The following RBM26 variants were observed in gnomAD, a reference collection of about 807,000 sequenced individuals.
RBM26 encodes RNA-binding protein 26.
In RBM26, 30 loss-of-function variants were observed where a neutral mutation model predicts 123.6. The observed-to-expected ratio is 0.24, with a 90% CI of 0.18 to 0.33. The LOEUF (loss-of-function observed/expected upper bound fraction) is 0.33, where lower values mean the gene tolerates loss of function less well. Ranked by LOEUF, RBM26 falls within the 10% of genes least tolerant of loss-of-function variation. The pLI is 1.00. For synonymous variants in RBM26, 400 were observed against 404.4 expected (o/e 0.99, Z 0.13); for missense variants, 947 against 1,203.6 (o/e 0.79, Z 3.15).
At chr13:79,337,351 C>T (rs770701112) in intron 18 of RBM26, 49 bp from the exon 19 acceptor site, 30 of 1,598,396 alleles carry the variant, frequency 1.9e-5, no homozygotes, top group Non-Finnish European at 2.4e-5. Context: ...ATTACTAACA[C>T]AAGCCAAGCA....
At chr13:79,391,426 TTG>T (rs1023343824) in intron 1 of RBM26, among the ~76,000 whole-genome samples, 4 of 152,282 alleles carry the variant, frequency 2.6e-5, no homozygotes, top group East Asian at 1.9e-4. Context: ...GCATTTCTTT[TTG>T]TGTGTGTGTT....
At chr13:79,320,994 T>C (rs895216224) in intron 21 of RBM26, among the ~76,000 whole-genome samples, 6 of 151,318 alleles carry the variant, frequency 4.0e-5, no homozygotes, top group African/African-American at 1.2e-4. Context: ...CGCCATCTTC[T>C]GTACCTTTAA....
At chr13:79,402,124 T>G (rs2079102937) in intron 1 of RBM26, among the ~76,000 whole-genome samples, 1 of 152,038 alleles carries the variant, frequency 6.6e-6, no homozygotes, top group Non-Finnish European at 1.5e-5. Context: ...AAAAGTTTAC[T>G]ACAACAAAGG....
At chr13:79,348,288 T>C (rs1477832154) in intron 14 of RBM26, among the ~76,000 whole-genome samples, 2 of 152,096 alleles carry the variant, frequency 1.3e-5, no homozygotes, top group Admixed American at 6.5e-5. Flanking sequence ...TATCATGTGC[T>C]GTGTTGTTAA....
chr13:79,332,615 C>T (rs1379230219), intron 20 of RBM26, among the ~76,000 whole-genome samples: 1 of 152,072 alleles, frequency 6.6e-6, no homozygotes, highest in Non-Finnish European at 1.5e-5. Context: ...TAAGTAAATC[C>T]AACTAAAGCT....
At position 79,319,370 on chromosome 13, in the gene RBM26, C is replaced by T. The variant is rs1415323891; in HGVS notation, c.*1251G>A. The T allele has an allele frequency of 2.0e-6, 2 of 983,902 alleles. No individual in the cohort carries two copies. Among genetic ancestry groups the T allele is most frequent in the Non-Finnish European group, 2.4e-6 (2 of 828,810 alleles). 60.9% of individuals were successfully genotyped at this position (983,902 alleles called of 1,614,324 possible). On this transcript the variant is annotated 3_prime_UTR_variant, in exon 22 of 22. Transcript: ENST00000438737. ...TATGTAATCTCCCACCCCCATTCTA[C>T]AAAGAATGCATTTATTTCCTGGAAA... is the stretch of plus-strand genomic sequence containing the variant.
intron 11 of RBM26, among the ~76,000 whole-genome samples, chr13:79,357,918 T>C (rs2074223561): frequency 6.6e-6 from 1 of 150,988 alleles, no homozygotes. Context: ...GTTTTGCTCT[T>C]GTCACCCAGG....
In RBM26 at chr13:79,354,549, G is replaced by A; in HGVS notation, c.1876C>T (p.Gln626Ter). ...TGCTTCACAACAGGCAAAATGGGCT[G>A]CTGGACTAAAGGCTGCATTACCTCA... is the stretch of plus-strand genomic sequence containing the variant. ...SPKVMQPLVQ[Q>*]PILPVVKQSV... The change falls in exon 13 of 22, where the codon CAG (glutamine) becomes TAG (stop). Residue 626 changes from glutamine to a stop codon, truncating the protein, a stop_gained. Transcript: ENST00000438737. LOFTEE classifies it high-confidence loss of function. The A allele has an allele frequency of 6.2e-7, 1 of 1,603,096 alleles. No individual in the cohort carries two copies. The highest frequency in any genetic ancestry group is 8.5e-7 in the Non-Finnish European group (1 of 1,172,670).
chr13:79,375,087 A>AATATATATTTATATATC (rs1555332804), intron 3 of RBM26, among the ~76,000 whole-genome samples: 1 of 93,186 alleles, frequency 1.1e-5, no homozygotes, highest in African/African-American at 4.0e-5. Flanking sequence ...GATATATATA[A>AATATATATTTATATATC]ATATATATTT....
At chr13:79,327,520 A>C (rs2068623478) in intron 20 of RBM26, among the ~76,000 whole-genome samples, 1 of 151,038 alleles carries the variant, frequency 6.6e-6, no homozygotes, top group South Asian at 2.1e-4. Context: ...GAAATGTGAG[A>C]GGTAAAACTA....
rs1437526266 is a variant in RBM26 at position 79,338,962 on chromosome 13, G to A, written c.2533-1660C>T. Among the ~76,000 whole-genome samples, 6 of 152,192 alleles carry A rather than the reference G, an allele frequency of 3.9e-5. No homozygotes were observed. In the East Asian group the frequency reaches 1.2e-3, roughly 29 times the overall value. On this transcript the variant is annotated intron_variant, in intron 18 of 21. Transcript: ENST00000438737. ...TGTATAACTGTACAGATGGGGTGTA[G>A]GAGCAAGATAAGCAAAATTTTGAAG... is the stretch of plus-strand genomic sequence containing the variant.
At chr13:79,375,101 T>TG (rs1415080294) in intron 3 of RBM26, among the ~76,000 whole-genome samples, 1 of 137,734 alleles carries the variant, frequency 7.3e-6, no homozygotes, top group Admixed American at 7.7e-5. Flanking sequence ...TATATTTATA[T>TG]ATATCATATA....
chr13:79,371,242 T>G (rs2075843305), intron 4 of RBM26, 80 bp from the exon 5 acceptor site: 1 of 1,156,196 alleles, frequency 8.6e-7, no homozygotes, highest in Admixed American at 2.2e-5. Context: ...AAAAGTTACA[T>G]TTAATTCTTG....
At position 79,366,745 on chromosome 13, in the gene RBM26, T is replaced by C; in HGVS notation, c.1023A>G (p.Pro341=). 1 of 1,612,774 alleles carries C rather than the reference T, an allele frequency of 6.2e-7. No homozygotes were observed. Among genetic ancestry groups the C allele is most frequent in the Non-Finnish European group, 8.5e-7 (1 of 1,179,554 alleles). The change falls in exon 7 of 22, where the codon CCA becomes CCG. Residue 341 remains proline, a synonymous_variant. Transcript: ENST00000438737. ...GAGGTGGGGGGAGTCCAGGAGGAGGTGGTCCTTCAACAACAGGAGGCTGTG... is the reference window on the plus strand; with the variant it reads ...GAGGTGGGGGGAGTCCAGGAGGAGGCGGTCCTTCAACAACAGGAGGCTGTG... ...FPAQPPVVEG[P]PPPGLPPPPP...
chr13:79,387,332 AGT>A (rs2077577277), intron 1 of RBM26, among the ~76,000 whole-genome samples: 1 of 152,066 alleles, frequency 6.6e-6, no homozygotes, highest in African/African-American at 2.4e-5. Context: ...AATATACTTT[AGT>A]TAAATTCTGG....
At chr13:79,313,758 A>C (rs2066967767) in exon 5 of RBM26, 1 of 151,782 alleles carries the variant, frequency 6.6e-6, no homozygotes, top group African/African-American at 2.4e-5. Flanking sequence ...AATGTGGATC[A>C]AAACAGTTAA....
chr13:79,318,783 T>C (rs2067380717), downstream of RBM26: 4 of 983,846 alleles, frequency 4.1e-6, no homozygotes, highest in South Asian at 1.4e-4. Context: ...GCATGGAGAT[T>C]TAACTGGCCT....
chr13:79,363,582 T>C (rs1280254277), intron 9 of RBM26, among the ~76,000 whole-genome samples: 1 of 152,166 alleles, frequency 6.6e-6, no homozygotes, highest in Non-Finnish European at 1.5e-5. Context: ...AATCACTATG[T>C]ACAATAATGA....
In RBM26 at chr13:79,320,186, TTTAG is replaced by T. The variant is rs937679294; in HGVS notation, c.*431_*434del. 113 of 952,844 alleles carry T rather than the reference TTTAG, an allele frequency of 1.2e-4. No individual in the cohort carries two copies. Among genetic ancestry groups the T allele is most frequent in the Middle Eastern group, 5.4e-4 (1 of 1,856 alleles). The allele number at this position is 952,844 out of a possible 1,614,324, so 59.0% of individuals were successfully genotyped here. A position where few individuals can be genotyped will look rare whatever the true frequency, so the allele number is the denominator to read the frequency against. ...ATATTATAATACATAACTTGGAGAC[TTTAG>T]TTAGAGTACTATGTTATCTATTCAG... is the stretch of plus-strand genomic sequence containing the variant. On this transcript the variant is annotated 3_prime_UTR_variant, in exon 22 of 22. Transcript: ENST00000438737.
Sources: allele counts gnomAD v4.1 joint callset (sites outside exome capture counted in the v4.1 genomes callset), GRCh38; gene constraint gnomAD v4.1.1; transcripts MANE v1.5; gene names NCBI Gene and HGNC (gene_info 2026-07-23, HGNC 2026-07-21).